Variants in MED27 observed in about 807,000 individuals in gnomAD.
MED27 encodes mediator of RNA polymerase II transcription subunit 27.
MED27 carries 30 observed loss-of-function variants against 38.2 expected under a neutral mutation model. That is an observed-to-expected ratio of 0.79 (90% CI 0.59 to 1.07). The LOEUF is 1.07. Ranked by LOEUF, MED27 falls within the 50% of genes least tolerant of loss-of-function variation. MED27 has a pLI of 0.00. For synonymous variants in MED27, 122 were observed against 153.5 expected (o/e 0.79, Z 1.52); for missense variants, 289 against 397.5 (o/e 0.73, Z 2.32).
Position 131,883,941 on chromosome 9 carries a change from T to C in MED27, c.723+117A>G, listed in dbSNP as rs1254906519. 2.7e-5 allele frequency: 23 copies of C among 864,394 alleles called. No homozygotes were observed. Among genetic ancestry groups the C allele is most frequent in the South Asian group, 1.9e-4 (11 of 58,894 alleles). The allele number at this position is 864,394 out of a possible 1,614,324, so 53.5% of individuals were successfully genotyped here. Reference sequence around the variant, plus strand: ...ATGGAATCAGACAGTGAGCATCCTTTTCTGTCTGGCTTTTTTCACTTTTTC... The same window carrying C: ...ATGGAATCAGACAGTGAGCATCCTTCTCTGTCTGGCTTTTTTCACTTTTTC... On this transcript the variant is annotated intron_variant, in intron 6 of 7. Coordinates refer to ENST00000292035, the MANE Select transcript of MED27 (RefSeq NM_004269.4). This position sits in a 1 kb window ranked among gnomAD's most constrained non-coding sequence, Gnocchi z 4.2.
At chr9:132,021,226 A>G (rs190508712) in intron 2 of MED27, among the ~76,000 whole-genome samples, 22 of 151,908 alleles carry the variant, frequency 1.4e-4, no homozygotes, top group Admixed American at 5.2e-4. Context: ...TTCTACTGCA[A>G]CTCCCCAGAA....
chr9:132,052,714 G>C (rs1463963310), intron 2 of MED27, among the ~76,000 whole-genome samples: 1 of 116,876 alleles, frequency 8.6e-6, no homozygotes, highest in East Asian at 2.8e-4. Context: ...TCCACTCTCT[G>C]TGTCCATGTG....
chr9:131,989,983 A>G (rs1428142343), intron 3 of MED27, among the ~76,000 whole-genome samples: 1 of 152,124 alleles, frequency 6.6e-6, no homozygotes, highest in Non-Finnish European at 1.5e-5. Context: ...GCTTGCAACC[A>G]AGGCATTCCA....
intron 3 of MED27, among the ~76,000 whole-genome samples, chr9:131,978,689 A>C (rs945140833): frequency 2.0e-4 from 31 of 152,330 alleles, no homozygotes; most frequent in East Asian, 5.8e-4. Context: ...ACAACAACAA[A>C]AAAAACTCTT....
intron 2 of MED27, among the ~76,000 whole-genome samples, chr9:132,018,513 C>T (rs1326187872): frequency 1.3e-5 from 2 of 152,276 alleles, no homozygotes; most frequent in East Asian, 3.9e-4. Context: ...CTTCTACCCG[C>T]CCCAAAATAT....
chr9:132,072,842 GA>G (rs1230103176), intron 2 of MED27, among the ~76,000 whole-genome samples: 1 of 152,078 alleles, frequency 6.6e-6, no homozygotes, highest in Non-Finnish European at 1.5e-5. Flanking sequence ...GCTATATGGA[GA>G]GAAGAATGAG....
At chr9:131,944,970 C>A (rs183532117) in intron 3 of MED27, among the ~76,000 whole-genome samples, 2 of 151,748 alleles carry the variant, frequency 1.3e-5, no homozygotes, top group African/African-American at 2.4e-5. Context: ...AGTTAAGCAT[C>A]CCTGCTTTAG....
chr9:131,907,467 G>A (rs914115436), intron 4 of MED27, among the ~76,000 whole-genome samples: 3 of 152,214 alleles, frequency 2.0e-5, no homozygotes, highest in African/African-American at 7.2e-5. Flanking sequence ...TGATCCGCCA[G>A]CCTCCGCCTA....
In MED27 at chr9:132,079,668, G is replaced by T; in HGVS notation, c.177C>A (p.Asn59Lys). The T allele has an allele frequency of 1.2e-6, 2 of 1,612,668 alleles. No individual in the cohort carries two copies. Among genetic ancestry groups the T allele is most frequent in the South Asian group, 2.2e-5 (2 of 91,008 alleles). ...EKAFIAHFQD[N>K]LHSVNRDLNE... ...TGAGGTCCCGGTTGACCGAATGTAAGTTGTCCTGGAAGTGCGCAATAAAGG... is the reference window on the plus strand; with the variant it reads ...TGAGGTCCCGGTTGACCGAATGTAATTTGTCCTGGAAGTGCGCAATAAAGG... Residue 59 changes from asparagine to lysine, a missense_variant, in exon 1 of 8, where the codon AAC (asparagine) becomes AAA (lysine). Physicochemically the swap from Asn to Lys is moderately conservative, Grantham distance 94 (BLOSUM62 0). Transcript: ENST00000292035.
intron 3 of MED27, among the ~76,000 whole-genome samples, chr9:131,963,832 G>A (rs190662414): frequency 1.3e-5 from 2 of 152,132 alleles, no homozygotes; most frequent in South Asian, 2.1e-4. Flanking sequence ...TTCCAAATTC[G>A]TTACCCTGAC....
At chr9:131,937,995 G>A (rs1022581195) in intron 4 of MED27, among the ~76,000 whole-genome samples, 3 of 151,886 alleles carry the variant, frequency 2.0e-5, no homozygotes, top group Admixed American at 1.3e-4. Flanking sequence ...AAAAAACATC[G>A]CATTATCTCC....
At chr9:131,888,570 T>G (rs556933123) in intron 5 of MED27, among the ~76,000 whole-genome samples, 17 of 152,282 alleles carry the variant, frequency 1.1e-4, no homozygotes, top group African/African-American at 3.9e-4. Context: ...TATCAGAAAG[T>G]TATCAATACT....
chr9:131,908,703 C>A (rs1192993548), intron 4 of MED27, among the ~76,000 whole-genome samples: 1 of 152,100 alleles, frequency 6.6e-6, no homozygotes, highest in Non-Finnish European at 1.5e-5. Context: ...GTCATCACCA[C>A]TCCCTAATCT....
chr9:132,000,096 A>G (rs1832188861), intron 3 of MED27, among the ~76,000 whole-genome samples: 1 of 143,594 alleles, frequency 7.0e-6, no homozygotes, highest in African/African-American at 2.7e-5. Flanking sequence ...TCAAAAGTAA[A>G]ATCACTTTTG....
intron 6 of MED27, among the ~76,000 whole-genome samples, chr9:131,868,054 C>T (rs1838765661): frequency 6.6e-6 from 1 of 152,162 alleles, no homozygotes; most frequent in Admixed American, 6.5e-5. Context: ...ATGAATGGTA[C>T]CAGTTTCACA....
At chr9:132,049,818 A>G (rs1833422007) in intron 2 of MED27, among the ~76,000 whole-genome samples, 1 of 152,230 alleles carries the variant, frequency 6.6e-6, no homozygotes, top group Non-Finnish European at 1.5e-5. Flanking sequence ...GCTCTCAGAA[A>G]TAGGAGGAAA....
chr9:132,069,716 C>T (rs561426788), intron 2 of MED27, among the ~76,000 whole-genome samples: 98 of 152,306 alleles, frequency 6.4e-4, no homozygotes, highest in Admixed American at 1.0e-3. Context: ...AATGATGACT[C>T]CAATGAACCT....
intron 3 of MED27, among the ~76,000 whole-genome samples, chr9:131,970,853 G>A (rs936991044): frequency 1.1e-4 from 17 of 152,294 alleles, no homozygotes; most frequent in African/African-American, 2.6e-4. Flanking sequence ...TGTGGAGTTC[G>A]TTTGGATCCT....
intron 3 of MED27, among the ~76,000 whole-genome samples, chr9:131,944,261 T>C (rs1366145142): frequency 5.3e-5 from 8 of 152,150 alleles, no homozygotes. Flanking sequence ...TCATCCAGTG[T>C]CCCCAACAAT....
Sources: gnomAD v4.1 joint callset for allele counts (sites outside exome capture counted in the v4.1 genomes callset) on GRCh38, gnomAD v4.1.1 for gene constraint, Gnocchi (gnomAD v3.1) non-coding constraint, MANE v1.5 for transcripts, NCBI Gene and HGNC (gene_info 2026-07-23, HGNC 2026-07-21) for gene names.